Variants in PTPRT observed in about 807,000 individuals in gnomAD.
PTPRT encodes the protein receptor-type tyrosine-protein phosphatase T.
PTPRT carries 56 observed loss-of-function variants against 176.8 expected under a neutral mutation model. That is an observed-to-expected ratio of 0.32 (90% CI 0.26 to 0.40). PTPRT has a LOEUF of 0.40. PTPRT is among the 10% of genes least tolerant of loss of function. The probability of loss-of-function intolerance (pLI) is 1.00; values close to 1 mark genes in which losing one functional copy is unlikely to be tolerated. For synonymous variants in PTPRT, 783 were observed against 739.0 expected, an observed-to-expected ratio of 1.06 and a Z score of -0.96; for missense variants, 1,540 against 1,908.2, an observed-to-expected ratio of 0.81 and a Z score of 3.60.
intron 6 of PTPRT, among the ~76,000 whole-genome samples, chr20:42,679,252 A>T (rs894670167): frequency 2.6e-5 from 4 of 152,118 alleles, no homozygotes; most frequent in African/African-American, 7.2e-5. Flanking sequence ...CACACGTATC[A>T]TTCATGTAAT....
At chr20:43,007,161 T>C (rs1369455812) in intron 1 of PTPRT, among the ~76,000 whole-genome samples, 1 of 152,198 alleles carries the variant, frequency 6.6e-6, no homozygotes, top group East Asian at 1.9e-4. Flanking sequence ...ATCACTTATG[T>C]AGAAAATAAA....
intron 1 of PTPRT, among the ~76,000 whole-genome samples, chr20:43,136,348 C>A (rs1287999209): frequency 6.6e-6 from 1 of 152,190 alleles, no homozygotes; most frequent in African/African-American, 2.4e-5. Context: ...AGCTTTACTG[C>A]CTAGAAGAAA....
At chr20:42,778,131 A>G (rs1309594735) in intron 4 of PTPRT, among the ~76,000 whole-genome samples, 1 of 152,222 alleles carries the variant, frequency 6.6e-6, no homozygotes, top group East Asian at 1.9e-4. Flanking sequence ...GAGCAACCCC[A>G]GTGAAACGAG....
chr20:43,023,741 G>A (rs900189129), intron 1 of PTPRT, among the ~76,000 whole-genome samples: 20 of 152,190 alleles, frequency 1.3e-4, no homozygotes, highest in South Asian at 6.2e-4. Flanking sequence ...CTCCCTCAAC[G>A]AAGCCCTGTA....
At chr20:42,698,595 G>A (rs1312326259) in intron 6 of PTPRT, among the ~76,000 whole-genome samples, 1 of 152,146 alleles carries the variant, frequency 6.6e-6, no homozygotes, top group Non-Finnish European at 1.5e-5. Context: ...TAATGCTTAG[G>A]TCTCAACCCT....
chr20:43,111,196 C>A (rs2012844975), intron 1 of PTPRT, among the ~76,000 whole-genome samples: 1 of 152,030 alleles, frequency 6.6e-6, no homozygotes, highest in African/African-American at 2.4e-5. Flanking sequence ...CCCACACAAG[C>A]TATAGGAGTA....
At chr20:42,680,824 T>A (rs915457214) in intron 6 of PTPRT, among the ~76,000 whole-genome samples, 1 of 152,236 alleles carries the variant, frequency 6.6e-6, no homozygotes, top group Non-Finnish European at 1.5e-5. Flanking sequence ...TCTAATGGCA[T>A]GTGCAAGTAT....
chr20:42,324,631 C>T (rs192191686), intron 11 of PTPRT, among the ~76,000 whole-genome samples: 1 of 152,208 alleles, frequency 6.6e-6, no homozygotes, highest in Admixed American at 6.5e-5. Context: ...ATACAAAATG[C>T]TATGATAAAC....
intron 1 of PTPRT, among the ~76,000 whole-genome samples, chr20:43,061,900 A>C (rs1475565459): frequency 1.3e-5 from 2 of 152,236 alleles, no homozygotes; most frequent in Non-Finnish European, 2.9e-5. Flanking sequence ...GCAGGAGTTC[A>C]ATTTAAAACA....
the PTPRT span, among the ~76,000 whole-genome samples, chr20:42,051,832 G>A: frequency 6.6e-6 from 1 of 152,220 alleles, no homozygotes; most frequent in Non-Finnish European, 1.5e-5. Flanking sequence ...CTGTTCTCAA[G>A]TCTGAGTGAC....
chr20:42,260,267 C>A (rs1186721377), intron 13 of PTPRT, among the ~76,000 whole-genome samples: 1 of 152,200 alleles, frequency 6.6e-6, no homozygotes, highest in African/African-American at 2.4e-5. Flanking sequence ...CCCACCTTGA[C>A]TCCCTGTGGG....
chr20:42,489,382 C>A (rs1383257629), intron 7 of PTPRT, among the ~76,000 whole-genome samples: 1 of 152,038 alleles, frequency 6.6e-6, no homozygotes, highest in African/African-American at 2.4e-5. Flanking sequence ...GTAATTGGCC[C>A]ATTTCACTTT....
intron 13 of PTPRT, among the ~76,000 whole-genome samples, chr20:42,259,381 T>A (rs1347722035): frequency 2.0e-5 from 3 of 152,218 alleles, no homozygotes; most frequent in African/African-American, 7.2e-5. Context: ...CATGCCCAAC[T>A]GATGCCAGAC....
chr20:42,250,359 G>A (rs2056530355), intron 13 of PTPRT, among the ~76,000 whole-genome samples: 1 of 152,164 alleles, frequency 6.6e-6, no homozygotes, highest in South Asian at 2.1e-4. Flanking sequence ...AGCAAATTGA[G>A]TTTTCTCCTT....
intron 1 of PTPRT, among the ~76,000 whole-genome samples, chr20:42,985,297 C>A (rs965984045): frequency 6.6e-6 from 1 of 152,084 alleles, no homozygotes; most frequent in Non-Finnish European, 1.5e-5. Context: ...GAGTTCGAGA[C>A]CAGCCTGACC....
intron 1 of PTPRT, 35 bp from the exon 2 acceptor site, chr20:42,885,967 C>A: frequency 1.9e-6 from 3 of 1,542,268 alleles, no homozygotes; most frequent in South Asian, 1.2e-5. Flanking sequence ...AATACATTCC[C>A]GTGTCTGAGG....
chr20:42,257,473 A>C (rs552096408), intron 13 of PTPRT, among the ~76,000 whole-genome samples: 62 of 152,186 alleles, frequency 4.1e-4, no homozygotes, highest in African/African-American at 1.4e-3. Context: ...CTGTGTCTGC[A>C]CCCAAACCTC....
In PTPRT at chr20:42,658,056, A is replaced by G. The variant is rs903416542; in HGVS notation, c.1153+19810T>C. ...ATGTATGTCTCTATCACTGACTTGT[A>G]CATATATCTAACTGATTCTTCTTAT... On this transcript the variant is annotated intron_variant, in intron 7 of 30. Transcript: ENST00000373187. Among the ~76,000 whole-genome samples the G allele has an allele frequency of 2.6e-5, 4 of 152,060 alleles. No individual in the cohort carries two copies. The East Asian group carries it at 7.7e-4, about 29-fold the overall frequency.
intron 1 of PTPRT, among the ~76,000 whole-genome samples, chr20:42,981,056 G>A (rs922298121): frequency 3.9e-5 from 6 of 152,182 alleles, no homozygotes; most frequent in African/African-American, 1.4e-4. Flanking sequence ...AGCAAACACA[G>A]ATGGCCTGAG....
Sources: allele counts gnomAD v4.1 joint callset (sites outside exome capture counted in the v4.1 genomes callset), GRCh38; gene constraint gnomAD v4.1.1; transcripts MANE v1.5; gene names NCBI Gene and HGNC (gene_info 2026-07-23, HGNC 2026-07-21).